DPP10: variants seen among roughly 807,000 people sequenced by gnomAD.
DPP10 encodes the protein dipeptidyl peptidase like 10.
DPP10 carries 33 observed loss-of-function variants against 120.9 expected under a neutral mutation model. The ratio of observed to expected loss-of-function variants is 0.27; its 90% CI spans 0.21 to 0.37. The LOEUF (loss-of-function observed/expected upper bound fraction) is 0.37, where lower values mean the gene tolerates loss of function less well. DPP10 is among the 10% of genes least tolerant of loss of function. DPP10 has a pLI of 1.00. For synonymous variants in DPP10, 337 were observed against 326.1 expected, an observed-to-expected ratio of 1.03 and a Z score of -0.36; for missense variants, 816 against 942.8, an observed-to-expected ratio of 0.87 and a Z score of 1.76.
intron 5 of DPP10, among the ~76,000 whole-genome samples, chr2:115,569,335 G>T (rs2081203454): frequency 1.3e-5 from 2 of 152,114 alleles, no homozygotes; most frequent in African/African-American, 4.8e-5. Context: ...AAAGTTTGTT[G>T]GCTAATGTAT....
intron 4 of DPP10, among the ~76,000 whole-genome samples, chr2:115,500,053 G>A (rs143592686): frequency 1.9e-4 from 29 of 151,920 alleles, no homozygotes; most frequent in African/African-American, 7.0e-4. Context: ...TGAGGTTGAT[G>A]TGTTTTAGAA....
chr2:115,036,812 A>G (rs1284248380), intron 1 of DPP10, among the ~76,000 whole-genome samples: 3 of 152,160 alleles, frequency 2.0e-5, no homozygotes, highest in Non-Finnish European at 4.4e-5. Context: ...TTTTAGGAGA[A>G]TGAAAGAAAC....
At chr2:114,538,828 G>A (rs992880484) in intron 1 of DPP10, among the ~76,000 whole-genome samples, 1 of 152,170 alleles carries the variant, frequency 6.6e-6, no homozygotes, top group Non-Finnish European at 1.5e-5. Flanking sequence ...AGGTGCACCC[G>A]AGAGCACACA....
At chr2:115,665,915 T>G (rs2089417795) in intron 5 of DPP10, among the ~76,000 whole-genome samples, 1 of 152,108 alleles carries the variant, frequency 6.6e-6, no homozygotes, top group African/African-American at 2.4e-5. Context: ...TTATTTTAGG[T>G]TTGGGGTACA....
chr2:115,082,192 A>G (rs539065083), intron 1 of DPP10, among the ~76,000 whole-genome samples: 1 of 152,286 alleles, frequency 6.6e-6, no homozygotes, highest in South Asian at 2.1e-4. Flanking sequence ...TTTAACAGTA[A>G]GAGTATTAGG....
chr2:115,494,303 C>T (rs920255840), intron 3 of DPP10, among the ~76,000 whole-genome samples: 12 of 152,008 alleles, frequency 7.9e-5, no homozygotes, highest in Admixed American at 2.0e-4. Context: ...GAGCTTAGAG[C>T]GCATTGACTT....
At chr2:115,311,176 T>C (rs1308289146) in intron 2 of DPP10, among the ~76,000 whole-genome samples, 1 of 152,234 alleles carries the variant, frequency 6.6e-6, no homozygotes, top group African/African-American at 2.4e-5. Flanking sequence ...GCCTCTGTAA[T>C]ACAGTAGTTT....
At chr2:114,914,405 G>A (rs957666030) in intron 1 of DPP10, among the ~76,000 whole-genome samples, 2 of 152,126 alleles carry the variant, frequency 1.3e-5, no homozygotes, top group Non-Finnish European at 2.9e-5. Flanking sequence ...CCTATATTCA[G>A]CATCCTTAAA....
chr2:114,748,338 C>G (rs371973835), intron 1 of DPP10, among the ~76,000 whole-genome samples: 1 of 70,324 alleles, frequency 1.4e-5, no homozygotes, highest in Non-Finnish European at 2.8e-5. Flanking sequence ...AGGGAATTTT[C>G]TTTTTTTTTT....
chr2:114,629,712 C>A (rs573446248), intron 1 of DPP10, among the ~76,000 whole-genome samples: 1 of 152,098 alleles, frequency 6.6e-6, no homozygotes, highest in African/African-American at 2.4e-5. Context: ...AAAGATTAGA[C>A]GATATGGACC....
At chr2:115,628,654 A>G (rs13007702) in intron 5 of DPP10, among the ~76,000 whole-genome samples, 150,314 of 152,244 alleles carry the variant, frequency 0.99, 74,237 homozygotes, top group East Asian at 1. Flanking sequence ...GTTTTGGGCT[A>G]TACCTTTAAA....
chr2:114,864,074 A>G (rs982135497), intron 1 of DPP10, among the ~76,000 whole-genome samples: 1 of 152,254 alleles, frequency 6.6e-6, no homozygotes. Flanking sequence ...AAGAAATGCA[A>G]TGAAAATAAG....
chr2:115,029,126 T>C (rs139458558), intron 1 of DPP10, among the ~76,000 whole-genome samples: 1 of 152,090 alleles, frequency 6.6e-6, no homozygotes, highest in Admixed American at 6.6e-5. Context: ...TTATAACTCA[T>C]TTTTTTCTTT....
chr2:115,579,900 C>T (rs1049889680), intron 5 of DPP10: 3 of 152,148 alleles, frequency 2.0e-5, no homozygotes, highest in Non-Finnish European at 4.4e-5. Flanking sequence ...TAGTGTTTCG[C>T]TGCACCTATG....
At chr2:115,318,047 G>GT (rs1384990054) in intron 2 of DPP10, among the ~76,000 whole-genome samples, 6 of 151,540 alleles carry the variant, frequency 4.0e-5, no homozygotes, top group Admixed American at 3.3e-4. Context: ...TCTGTCTTTT[G>GT]TTTTTTTTAA....
At chr2:114,608,226 C>T (rs948881723) in intron 1 of DPP10, among the ~76,000 whole-genome samples, 6 of 147,752 alleles carry the variant, frequency 4.1e-5, no homozygotes, top group African/African-American at 1.5e-4. Context: ...TAATAAGAGA[C>T]TAACAGAAGA....
chr2:115,452,910 AC>A (rs1320970800), intron 3 of DPP10, among the ~76,000 whole-genome samples: 2 of 151,862 alleles, frequency 1.3e-5, no homozygotes, highest in Non-Finnish European at 2.9e-5. Context: ...GAAATACTTC[AC>A]TTACATTTCC....
intron 2 of DPP10, among the ~76,000 whole-genome samples, chr2:115,322,884 A>T (rs2062138449): frequency 6.6e-6 from 1 of 152,220 alleles, no homozygotes; most frequent in Non-Finnish European, 1.5e-5. Flanking sequence ...TTGTTAAAAA[A>T]ATTCTATTTG....
At chr2:115,116,686 G>T (rs1221386577) in intron 1 of DPP10, among the ~76,000 whole-genome samples, 1 of 152,074 alleles carries the variant, frequency 6.6e-6, no homozygotes, top group East Asian at 1.9e-4. Context: ...CTCAGAAAAG[G>T]TACTTCTTTA....
Sources: gnomAD v4.1 joint callset for allele counts (sites outside exome capture counted in the v4.1 genomes callset) on GRCh38, gnomAD v4.1.1 for gene constraint, MANE v1.5 for transcripts, NCBI Gene and HGNC (gene_info 2026-07-23, HGNC 2026-07-21) for gene names.